Variants in TECTA observed in about 807,000 individuals in gnomAD.
The protein encoded by TECTA is alpha-tectorin.
TECTA carries 128 observed loss-of-function variants against 216.8 expected under a neutral mutation model. That is an observed-to-expected ratio of 0.59 (90% CI 0.51 to 0.68). The LOEUF is 0.68. TECTA is among the 30% of genes least tolerant of loss of function. TECTA has a pLI of 0.00. For synonymous variants in TECTA, 1,089 were observed against 1,117.1 expected (o/e 0.97, Z 0.50); for missense variants, 2,551 against 2,786.2 (o/e 0.92, Z 1.90).
chr11:121,144,194 C>T (rs889077818), intron 11 of TECTA, among the ~76,000 whole-genome samples: 2 of 152,118 alleles, frequency 1.3e-5, no homozygotes, highest in African/African-American at 4.8e-5. Flanking sequence ...GAGGCAGGGC[C>T]AGCTCCTAGA....
Position 121,137,862 on chromosome 11 carries a change from C to T in TECTA, c.3383C>T (p.Thr1128Ile). 1 of 1,605,832 alleles carries T rather than the reference C, an allele frequency of 6.2e-7. No individual in the cohort carries two copies. Among genetic ancestry groups the T allele is most frequent in the Non-Finnish European group, 8.5e-7 (1 of 1,173,508 alleles). ...ACCAGCTGCCCACTCATCCTGTGCA[C>T]CACAGGAAGCAGGCCAAGCTCAGAC... The part of the protein sequence containing the change: ...FQTSCPLILC[T>I]TGSRPSSDSF... The change falls in exon 11 of 24, where the codon ACC becomes ATC. Residue 1128 changes from threonine (T) to isoleucine (I), a missense_variant. By Grantham distance (89) the Thr-to-Ile change is moderately conservative. Coordinates refer to ENST00000392793, the MANE Select transcript of TECTA (RefSeq NM_005422.4).
rs755700476 is a variant in TECTA, at chr11:121,109,486, C to G, written c.474C>G (p.Ser158Arg). The G allele has an allele frequency of 8.7e-6, 14 of 1,614,022 alleles. No individual in the cohort carries two copies. The highest frequency in any genetic ancestry group is 1.2e-5 in the Non-Finnish European group (14 of 1,180,010). Residue 158 changes from serine (S) to arginine (R), a missense_variant, in exon 4 of 24, where the codon AGC (serine) becomes AGG (arginine). Ser to Arg is a moderately radical substitution (Grantham distance 110). Transcript: ENST00000392793. ...AGGAAGTCACGTTTTATGGAGGCAG[C>G]AGCACCACACCTGTAATAATTCAAA... ...TWEEVTFYGG[S>R]STTPVNTFQA... is the part of the protein sequence containing the mutation.
intron 4 of TECTA, among the ~76,000 whole-genome samples, chr11:121,112,647 T>A (rs1206242509): frequency 6.6e-6 from 1 of 152,202 alleles, no homozygotes; most frequent in Non-Finnish European, 1.5e-5. Flanking sequence ...TCACACGGAC[T>A]GGTATCTGCT....
intron 11 of TECTA, among the ~76,000 whole-genome samples, chr11:121,140,446 GC>G (rs1946773184): frequency 6.6e-6 from 1 of 152,180 alleles, no homozygotes; most frequent in African/African-American, 2.4e-5. Flanking sequence ...GAAGTCCCAA[GC>G]CTGGAGAACC....
At chr11:121,122,979 C>T (rs899295508) in intron 7 of TECTA, among the ~76,000 whole-genome samples, 5 of 152,200 alleles carry the variant, frequency 3.3e-5, no homozygotes, top group Non-Finnish European at 7.3e-5. Flanking sequence ...TGAGGACCAA[C>T]TACTAATCTA....
At chr11:121,139,946 C>T (rs138772435) in intron 11 of TECTA, among the ~76,000 whole-genome samples, 126 of 152,294 alleles carry the variant, frequency 8.3e-4, no homozygotes, top group African/African-American at 2.7e-3. Flanking sequence ...GTTTTGCCCA[C>T]GTTGCTCGCA....
chr11:121,118,964 A>G (rs551293817), intron 7 of TECTA, among the ~76,000 whole-genome samples: 84 of 151,290 alleles, frequency 5.6e-4, no homozygotes, highest in Non-Finnish European at 9.9e-4. Context: ...GTACATTTAT[A>G]TTCCTAGTTC....
In TECTA at chr11:121,105,958, T is replaced by C. The variant is rs778610400; in HGVS notation, c.192T>C (p.Thr64=). The C allele has an allele frequency of 5.0e-6, 8 of 1,614,244 alleles. No homozygotes were observed. The highest frequency in any genetic ancestry group is 2.2e-5 in the East Asian group (1 of 44,892). The part of the protein sequence containing the change: ...PVFFFGVPYR[T]VYVNNNGVVS... ...TCTTCTTTGGCGTTCCTTACCGCAC[T>C]GTCTATGTAAGTGGAGAAGCAGCCC... Residue 64 remains threonine (T), a synonymous_variant, in exon 3 of 24, where the codon ACT becomes ACC. Transcript: ENST00000392793. The surrounding 1 kb of genome is among the most constrained non-coding windows in gnomAD (Gnocchi z 5.3).
chr11:121,128,443 A>C (rs1042954950), intron 9 of TECTA, 99 bp downstream of exon 9: 1 of 1,118,484 alleles, frequency 8.9e-7, no homozygotes, highest in Admixed American at 2.5e-5. Flanking sequence ...TCTGCCTATG[A>C]GTGGATTTTA....
intron 15 of TECTA, among the ~76,000 whole-genome samples, chr11:121,161,134 C>T (rs2135124108): frequency 6.6e-6 from 1 of 152,310 alleles, no homozygotes; most frequent in Non-Finnish European, 1.5e-5. Flanking sequence ...GGAAATCACA[C>T]TTTAAGCCTC....
chr11:121,134,914 C>T (rs1432732998), intron 10 of TECTA, among the ~76,000 whole-genome samples: 1 of 152,278 alleles, frequency 6.6e-6, no homozygotes, highest in East Asian at 1.9e-4. Flanking sequence ...TTCTCACTAT[C>T]CCTCATCTGG....
At chr11:121,175,303 C>T (rs1947154250) in intron 20 of TECTA, among the ~76,000 whole-genome samples, 1 of 151,714 alleles carries the variant, frequency 6.6e-6, no homozygotes, top group Non-Finnish European at 1.5e-5. Flanking sequence ...AATTTTGGAT[C>T]TTTCCTGCTT....
At chr11:121,141,786 G>A (rs1333330765) in intron 11 of TECTA, among the ~76,000 whole-genome samples, 1 of 152,208 alleles carries the variant, frequency 6.6e-6, no homozygotes, top group Non-Finnish European at 1.5e-5. Context: ...ATTGATGTCT[G>A]TTCTCTACCA....
intron 14 of TECTA, among the ~76,000 whole-genome samples, chr11:121,158,834 TAAATA>T (rs1426419302): frequency 6.6e-6 from 1 of 152,182 alleles, no homozygotes; most frequent in African/African-American, 2.4e-5. Context: ...CACCTGTGTG[TAAATA>T]AATGTAAACC....
In TECTA at chr11:121,118,718, G is replaced by T; in HGVS notation, c.1203G>T (p.Lys401Asn). ...CCAAAGGAAGCTATGGAAGAGTCAA[G>T]GTGAGCCCCTTTCTATCCTTCACGG... The part of the protein sequence containing the change: ...LIPKGSYGRV[K>N]VNDLVTSLPV... Residue 401 changes from lysine to asparagine, a missense_variant and splice_region_variant, in exon 7 of 24, where the codon AAG (lysine) becomes AAT (asparagine). Lys to Asn is a moderately conservative substitution (Grantham distance 94, BLOSUM62 0). Coordinates refer to ENST00000392793, the MANE Select transcript of TECTA (RefSeq NM_005422.4). 6.2e-7 allele frequency: 1 copy of T among 1,613,492 alleles called. No individual in the cohort carries two copies. Among genetic ancestry groups the T allele is most frequent in the Non-Finnish European group, 8.5e-7 (1 of 1,180,026 alleles).
intron 12 of TECTA, among the ~76,000 whole-genome samples, chr11:121,150,035 T>C (rs1946874923): frequency 6.6e-6 from 1 of 152,220 alleles, no homozygotes; most frequent in Admixed American, 6.5e-5. Context: ...TCTAAATTGG[T>C]AATACCTCTT....
Position 121,165,371 on chromosome 11 carries a change from C to A in TECTA, c.5371C>A (p.Pro1791Thr). ...RELCGCIEPPPYGNNSHDIID... is the reference protein window; with the variant it reads ...RELCGCIEPPTYGNNSHDIID... ...GCTGTGTGGCTGCATCGAGCCACCC[C>A]CCTATGGAAATAGTGAGTGACATGG... Residue 1791 changes from proline (P) to threonine (T), a missense_variant, in exon 17 of 24, where the codon CCC becomes ACC. Pro to Thr is a conservative substitution (Grantham distance 38, BLOSUM62 -1). Transcript: ENST00000392793. The A allele has an allele frequency of 6.3e-7, 1 of 1,589,894 alleles. No homozygotes were observed. Among genetic ancestry groups the A allele is most frequent in the Non-Finnish European group, 8.6e-7 (1 of 1,167,520 alleles).
intron 4 of TECTA, among the ~76,000 whole-genome samples, chr11:121,112,825 G>T (rs1345649580): frequency 1.4e-4 from 21 of 152,214 alleles, no homozygotes; most frequent in Admixed American, 1.4e-3. Context: ...AGATATAAGT[G>T]GGCGCTGAGT....
intron 12 of TECTA, among the ~76,000 whole-genome samples, chr11:121,148,820 T>C (rs1946864100): frequency 6.6e-6 from 1 of 152,228 alleles, no homozygotes; most frequent in Admixed American, 6.5e-5. Flanking sequence ...GTAAACTCGT[T>C]GGAAAATCTT....
Sources: gnomAD v4.1 joint callset for allele counts (sites outside exome capture counted in the v4.1 genomes callset) on GRCh38, gnomAD v4.1.1 for gene constraint, Gnocchi (gnomAD v3.1) non-coding constraint, MANE v1.5 for transcripts, NCBI Gene and HGNC (gene_info 2026-07-23, HGNC 2026-07-21) for gene names.